Variants in SLC35F1 observed in about 807,000 individuals in gnomAD.
SLC35F1 encodes chromosome 6 open reading frame 169.
SLC35F1 carries 14 observed loss-of-function variants against 48.7 expected under a neutral mutation model. The ratio of observed to expected loss-of-function variants is 0.29; its 90% confidence interval spans 0.19 to 0.45. The LOEUF (loss-of-function observed/expected upper bound fraction) is 0.45, where lower values mean the gene tolerates loss of function less well. SLC35F1 is among the 20% of genes least tolerant of loss of function. SLC35F1 has a pLI of 1.00. For synonymous variants in SLC35F1, 190 were observed against 202.2 expected (o/e 0.94, Z 0.51); for missense variants, 404 against 500.0 (o/e 0.81, Z 1.83).
chr6:117,949,385 T>A (rs1776334476), intron 1 of SLC35F1, among the ~76,000 whole-genome samples: 1 of 152,224 alleles, frequency 6.6e-6, no homozygotes, highest in Non-Finnish European at 1.5e-5. Flanking sequence ...AGTTATTGTT[T>A]ATTCCTCTCT....
At chr6:118,244,749 G>T in intron 3 of SLC35F1, among the ~76,000 whole-genome samples, 1 of 152,284 alleles carries the variant, frequency 6.6e-6, no homozygotes, top group Middle Eastern at 3.4e-3. Flanking sequence ...TTGAAAGTGG[G>T]ACTTGTGTAC....
At chr6:117,937,716 C>A (rs117802809) in intron 1 of SLC35F1, among the ~76,000 whole-genome samples, 2,010 of 152,206 alleles carry the variant, frequency 0.013, 25 homozygotes, top group Non-Finnish European at 0.018. Context: ...CTGCTTTTAT[C>A]CTTAGAGATT....
Position 118,062,556 on chromosome 6 carries a change from A to T in SLC35F1, c.174-91889A>T, listed in dbSNP as rs1259830043. ...ATTATTGCAACAAAATGCTGAACTG[A>T]CTGCACTAAGCTGAGCAAAATGTTT... On this transcript the variant is annotated intron_variant, in intron 1 of 7. Transcript: ENST00000360388. 2.0e-5 allele frequency among the ~76,000 whole-genome samples: 3 copies of T among 152,184 alleles called. No homozygotes were observed. The East Asian group carries it at 5.8e-4, about 29-fold the overall frequency.
intron 1 of SLC35F1, among the ~76,000 whole-genome samples, chr6:118,054,190 C>A (rs1772430888): frequency 6.6e-6 from 1 of 152,038 alleles, no homozygotes; most frequent in South Asian, 2.1e-4. Flanking sequence ...GTCATTATAA[C>A]TTTTTGCAAT....
intron 1 of SLC35F1, among the ~76,000 whole-genome samples, chr6:118,090,395 A>T (rs1311777031): frequency 6.6e-6 from 1 of 152,234 alleles, no homozygotes; most frequent in African/African-American, 2.4e-5. Flanking sequence ...CTAATAAATA[A>T]AGAACATATA....
At chr6:118,227,530 A>G (rs1345216688) in intron 2 of SLC35F1, among the ~76,000 whole-genome samples, 3 of 152,342 alleles carry the variant, frequency 2.0e-5, no homozygotes, top group Non-Finnish European at 2.9e-5. Context: ...GGATTTTTCC[A>G]TAGTACTCAG....
chr6:118,000,674 T>C lies in SLC35F1; in HGVS notation c.173+92775T>C, dbSNP rs149722356. Among the ~76,000 whole-genome samples the C allele has an allele frequency of 3.4e-3, 514 of 152,340 alleles. 18 individuals are homozygous for C. The East Asian group carries it at 0.086, about 26-fold the overall frequency. On this transcript the variant is annotated intron_variant, in intron 1 of 7. Transcript: ENST00000360388. Reference sequence around the variant, plus strand: ...AAGTCAAATTGTCCCTGTTTGCAGATGACATGATAGTATATCTAGAAAACC... The same window carrying C: ...AAGTCAAATTGTCCCTGTTTGCAGACGACATGATAGTATATCTAGAAAACC...
intron 1 of SLC35F1, among the ~76,000 whole-genome samples, chr6:117,954,668 C>T (rs543775797): frequency 6.6e-5 from 10 of 152,230 alleles, no homozygotes; most frequent in South Asian, 2.1e-4. Flanking sequence ...TTATTCTCTC[C>T]GCTGGATATT....
intron 1 of SLC35F1, among the ~76,000 whole-genome samples, chr6:118,064,818 C>T (rs1048478464): frequency 2.0e-5 from 3 of 152,100 alleles, no homozygotes; most frequent in Non-Finnish European, 4.4e-5. Context: ...TCTCTGACTG[C>T]TAAGGGCTGT....
At chr6:118,010,983 G>A (rs1186255955) in intron 1 of SLC35F1, among the ~76,000 whole-genome samples, 23 of 152,132 alleles carry the variant, frequency 1.5e-4, no homozygotes, top group Non-Finnish European at 8.8e-5. Flanking sequence ...AGACATTTTT[G>A]GTTGTTAGAG....
At chr6:118,035,616 CAAA>C (rs772243116) in intron 1 of SLC35F1, among the ~76,000 whole-genome samples, 2 of 95,914 alleles carry the variant, frequency 2.1e-5, no homozygotes, top group East Asian at 3.4e-4. Context: ...CTCCGTCTCA[CAAA>C]AAAAAAACAA....
At chr6:118,214,935 C>T (rs148847174) in intron 2 of SLC35F1, among the ~76,000 whole-genome samples, 2 of 152,140 alleles carry the variant, frequency 1.3e-5, no homozygotes, top group Admixed American at 1.3e-4. Flanking sequence ...TTTTCCCTAA[C>T]CTCTTTTAAA....
intron 1 of SLC35F1, among the ~76,000 whole-genome samples, chr6:118,075,853 C>T (rs976181978): frequency 2.0e-5 from 3 of 152,050 alleles, no homozygotes; most frequent in Non-Finnish European, 2.9e-5. Context: ...TTTTCCTTGC[C>T]CCACACAGTG....
intron 5 of SLC35F1, among the ~76,000 whole-genome samples, chr6:118,276,870 CT>C (rs1340000746): frequency 6.6e-6 from 1 of 152,132 alleles, no homozygotes; most frequent in Non-Finnish European, 1.5e-5. Context: ...TGAGGGCTCA[CT>C]GGAATCAAAG....
At chr6:118,019,193 T>A (rs1282085115) in intron 1 of SLC35F1, among the ~76,000 whole-genome samples, 1 of 151,578 alleles carries the variant, frequency 6.6e-6, no homozygotes, top group African/African-American at 2.4e-5. Context: ...ATAAATATAT[T>A]AAAATATATA....
intron 1 of SLC35F1, among the ~76,000 whole-genome samples, chr6:118,130,786 G>A (rs80068304): frequency 7.2e-4 from 110 of 152,000 alleles, no homozygotes; most frequent in African/African-American, 2.6e-3. Flanking sequence ...CTGTCCTACA[G>A]TAAGACAGGA....
intron 1 of SLC35F1, among the ~76,000 whole-genome samples, chr6:117,916,217 T>C (rs969740636): frequency 6.6e-6 from 1 of 152,246 alleles, no homozygotes; most frequent in Non-Finnish European, 1.5e-5. Flanking sequence ...AGAGCACTTT[T>C]ATATTTTTTG....
At chr6:118,196,829 C>T (rs1774808760) in intron 2 of SLC35F1, among the ~76,000 whole-genome samples, 1 of 152,072 alleles carries the variant, frequency 6.6e-6, no homozygotes, top group Non-Finnish European at 1.5e-5. Context: ...TAGATCTTAA[C>T]ATTTAGGTAT....
intron 1 of SLC35F1, among the ~76,000 whole-genome samples, chr6:117,998,155 A>G (rs571487588): frequency 4.4e-3 from 660 of 149,926 alleles, no homozygotes; most frequent in Non-Finnish European, 5.3e-3. Context: ...CTTTAAACCA[A>G]CAAAGATCAA....
Sources: allele counts gnomAD v4.1 joint callset (sites outside exome capture counted in the v4.1 genomes callset), GRCh38; gene constraint gnomAD v4.1.1; transcripts MANE v1.5; gene names NCBI Gene and HGNC (gene_info 2026-07-23, HGNC 2026-07-21).